SCARB2: variants seen among roughly 807,000 people sequenced by gnomAD.
SCARB2 encodes lysosome membrane protein 2.
In SCARB2, 29 loss-of-function variants were observed where a neutral mutation model predicts 58.6. That is an observed-to-expected ratio of 0.49 (90% CI 0.37 to 0.67). SCARB2 has a LOEUF of 0.67. Among genes scored for constraint, SCARB2 ranks in the 30% least tolerant of loss-of-function variants. The pLI, the probability that SCARB2 is intolerant of heterozygous loss-of-function variation, is 0.00. For missense variants in SCARB2, 488 were observed against 578.5 expected (o/e 0.84, Z 1.60); for synonymous variants, 195 against 210.1 (o/e 0.93, Z 0.62).
chr4:76,200,039 G>C (rs1732797591), intron 1 of SCARB2, among the ~76,000 whole-genome samples: 1 of 152,196 alleles, frequency 6.6e-6, no homozygotes, highest in African/African-American at 2.4e-5. Context: ...AATAACCTCA[G>C]CCTCAAGACC....
chr4:76,172,668 G>T (rs1041531071), intron 7 of SCARB2: 2 of 147,172 alleles, frequency 1.4e-5, no homozygotes, highest in Non-Finnish European at 3.0e-5. Flanking sequence ...ATTCCAAAAT[G>T]ATATCTTATT....
chr4:76,228,297 T>C (rs1192555532), intron 1 of SCARB2, among the ~76,000 whole-genome samples: 1 of 152,014 alleles, frequency 6.6e-6, no homozygotes, highest in African/African-American at 2.4e-5. Flanking sequence ...CTGGCCAACA[T>C]GGTGAAACCC....
intron 1 of SCARB2, among the ~76,000 whole-genome samples, chr4:76,220,397 CAGG>C (rs1449318526): frequency 6.6e-6 from 1 of 152,154 alleles, no homozygotes; most frequent in Non-Finnish European, 1.5e-5. Context: ...GAGACTGAGG[CAGG>C]AGGATTGCTT....
intron 9 of SCARB2, among the ~76,000 whole-genome samples, chr4:76,167,909 T>C (rs1276387929): frequency 6.6e-6 from 1 of 152,144 alleles, no homozygotes; most frequent in African/African-American, 2.4e-5. Context: ...CTTGATCTCC[T>C]GACCTTGTGA....
intron 7 of SCARB2, among the ~76,000 whole-genome samples, chr4:76,171,894 A>C (rs28682558): frequency 6.6e-6 from 1 of 152,058 alleles, no homozygotes. Flanking sequence ...GTACTTGTTA[A>C]AAGTGTAGAT....
chr4:76,189,616 C>T (rs986097566), intron 2 of SCARB2, among the ~76,000 whole-genome samples: 4 of 151,852 alleles, frequency 2.6e-5, no homozygotes, highest in Non-Finnish European at 4.4e-5. Flanking sequence ...TGTGTGCCAC[C>T]ACACCCAGCT....
At chr4:76,167,503 T>C (rs923780259) in intron 9 of SCARB2, among the ~76,000 whole-genome samples, 1 of 152,164 alleles carries the variant, frequency 6.6e-6, no homozygotes, top group African/African-American at 2.4e-5. Context: ...TGTGACGTGC[T>C]TTATTCCTGC....
intron 2 of SCARB2, among the ~76,000 whole-genome samples, chr4:76,190,738 C>G (rs13102604): frequency 6.6e-6 from 1 of 152,028 alleles, no homozygotes; most frequent in African/African-American, 2.4e-5. Context: ...GAGCCAAGAT[C>G]GCGCCACTGC....
In SCARB2 at chr4:76,221,854, G is replaced by A. The variant is rs566790778; in HGVS notation, c.-358+12449C>T. Among the ~76,000 whole-genome samples, 41 of 152,196 alleles carry A rather than the reference G, an allele frequency of 2.7e-4. No individual in the cohort carries two copies. The East Asian group carries it at 4.2e-3, about 16-fold the overall frequency. Reference sequence around the variant, plus strand: ...GATCCTTCGCACACCAAACCTCAGCGACACCCAGTTTACCTGTGTAACAAA... The same window carrying A: ...GATCCTTCGCACACCAAACCTCAGCAACACCCAGTTTACCTGTGTAACAAA... On this transcript the variant is annotated intron_variant, in intron 1 of 11. Coordinates refer to the SCARB2 transcript ENST00000638295.
intron 1 of SCARB2, among the ~76,000 whole-genome samples, chr4:76,223,302 C>T (rs1733341211): frequency 6.6e-6 from 1 of 152,168 alleles, no homozygotes; most frequent in African/African-American, 2.4e-5. Flanking sequence ...ACAGAATTGT[C>T]TCCTTCTTGG....
chr4:76,215,738 A>T (rs1293544983), upstream of SCARB2, among the ~76,000 whole-genome samples: 1 of 152,034 alleles, frequency 6.6e-6, no homozygotes, highest in Non-Finnish European at 1.5e-5. Flanking sequence ...TGCTGCAGAG[A>T]ACATGGGAAA....
Position 76,179,526 on chromosome 4 carries a change from T to C in SCARB2, c.603A>G (p.Leu201=), listed in dbSNP as rs1436291332. ...FRPDISPYFG[L]FYEKNGTNDG... ...AGAAAAATCTACTTACCTCATAGAA[T>C]AGGCCAAAATAGGGAGAGATATCGG... is the stretch of plus-strand genomic sequence containing the variant. The change falls in exon 4 of 12, where the codon CTA becomes CTG. Residue 201 remains leucine (L), a synonymous_variant. Coordinates refer to ENST00000264896, the MANE Select transcript of SCARB2 (RefSeq NM_005506.4). The C allele has an allele frequency of 4.3e-6, 7 of 1,613,400 alleles. No homozygotes were observed. The highest frequency in any genetic ancestry group is 1.3e-5 in the African/African-American group (1 of 75,012).
At chr4:76,227,411 A>G (rs938810211) in intron 1 of SCARB2, among the ~76,000 whole-genome samples, 2 of 152,222 alleles carry the variant, frequency 1.3e-5, no homozygotes, top group African/African-American at 4.8e-5. Flanking sequence ...GGTACTTGAT[A>G]TAATTTTGAC....
At chr4:76,213,391 G>T in intron 1 of SCARB2, 36 bp downstream of exon 1, 2 of 1,410,980 alleles carry the variant, frequency 1.4e-6, no homozygotes, top group South Asian at 1.2e-5. Flanking sequence ...TGAGCTGGAC[G>T]ACTCCACAAC....
upstream of SCARB2, among the ~76,000 whole-genome samples, chr4:76,215,676 A>G (rs1733193189): frequency 6.6e-6 from 1 of 152,080 alleles, no homozygotes; most frequent in Admixed American, 6.6e-5. Flanking sequence ...GGCCTTTGCA[A>G]ATTCTTGCTC....
At chr4:76,188,436 C>T (rs1051126640) in intron 2 of SCARB2, among the ~76,000 whole-genome samples, 4 of 152,184 alleles carry the variant, frequency 2.6e-5, no homozygotes, top group Non-Finnish European at 5.9e-5. Context: ...TTCTGAACTC[C>T]CCAGTATGTG....
At chr4:76,169,214 T>C (rs1395184848) in intron 8 of SCARB2, among the ~76,000 whole-genome samples, 1 of 152,032 alleles carries the variant, frequency 6.6e-6, no homozygotes, top group Non-Finnish European at 1.5e-5. Context: ...TGTTCTTGTT[T>C]TTTTTTTTTA....
At chr4:76,224,811 T>G (rs1733367181) in intron 1 of SCARB2, among the ~76,000 whole-genome samples, 1 of 152,060 alleles carries the variant, frequency 6.6e-6, no homozygotes, top group Admixed American at 6.6e-5. Flanking sequence ...CATGGAAAAG[T>G]TCTTTAGTGG....
intron 1 of SCARB2, among the ~76,000 whole-genome samples, chr4:76,200,665 C>G (rs1420851963): frequency 6.6e-6 from 1 of 152,180 alleles, no homozygotes; most frequent in African/African-American, 2.4e-5. Context: ...GCCTAACAAA[C>G]AGCTTATGCC....
Sources: gnomAD v4.1 joint callset for allele counts (sites outside exome capture counted in the v4.1 genomes callset) on GRCh38, gnomAD v4.1.1 for gene constraint, MANE v1.5 for transcripts, NCBI Gene and HGNC (gene_info 2026-07-23, HGNC 2026-07-21) for gene names.